MGAT4C: variants seen among roughly 807,000 people sequenced by gnomAD.
MGAT4C encodes the protein alpha-1,3-mannosyl-glycoprotein 4-beta-N-acetylglucosaminyltransferase C.
Under a neutral mutation model 40.1 loss-of-function variants are expected in MGAT4C, and 19 were observed. That is an observed-to-expected ratio of 0.47 (90% CI 0.33 to 0.70). MGAT4C has a LOEUF of 0.70. Among genes scored for constraint, MGAT4C ranks in the 30% least tolerant of loss-of-function variants. The pLI, the probability that MGAT4C is intolerant of heterozygous loss-of-function variation, is 0.02. For synonymous variants in MGAT4C, 181 were observed against 187.1 expected, an observed-to-expected ratio of 0.97 and a Z score of 0.27; for missense variants, 491 against 563.2, an observed-to-expected ratio of 0.87 and a Z score of 1.30.
chr12:86,186,562 A>G (rs1888776512), intron 1 of MGAT4C, among the ~76,000 whole-genome samples: 2 of 152,180 alleles, frequency 1.3e-5, no homozygotes, highest in South Asian at 4.1e-4. Flanking sequence ...CAGACAAATT[A>G]TTCCCCTTGA....
rs191249769 is a variant in MGAT4C, at chr12:86,082,720, G to A, written c.-56-32997C>T. Reference sequence around the variant, plus strand: ...TCTCTCCATAAAATACATTTCTATTGGGGTTTATTCATTATAAAAATTAGT... The same window carrying A: ...TCTCTCCATAAAATACATTTCTATTAGGGTTTATTCATTATAAAAATTAGT... On this transcript the variant is annotated intron_variant, in intron 1 of 4. Transcript: ENST00000611864. 3.5e-3 allele frequency among the ~76,000 whole-genome samples: 533 copies of A among 152,056 alleles called. 4 individuals carry two copies. Among genetic ancestry groups the A allele is most frequent in the African/African-American group, 0.013 (519 of 41,474 alleles).
chr12:86,432,234 G>C (rs935996635), intron 3 of MGAT4C, among the ~76,000 whole-genome samples: 33 of 152,046 alleles, frequency 2.2e-4, no homozygotes, highest in African/African-American at 8.0e-4. Flanking sequence ...CAAGGATTGT[G>C]CAAATTTAGA....
At chr12:86,392,557 C>T (rs887409729) in intron 3 of MGAT4C, among the ~76,000 whole-genome samples, 2 of 152,016 alleles carry the variant, frequency 1.3e-5, no homozygotes, top group African/African-American at 2.4e-5. Context: ...CTAAGCAGCA[C>T]GGGGTGCAAT....
chr12:86,350,993 C>T (rs1955147280), intron 3 of MGAT4C, among the ~76,000 whole-genome samples: 1 of 150,056 alleles, frequency 6.7e-6, no homozygotes, highest in African/African-American at 2.5e-5. Flanking sequence ...ATATATAAAC[C>T]CAGTTCAAAT....
intron 1 of MGAT4C, among the ~76,000 whole-genome samples, chr12:86,123,507 C>G (rs1879778009): frequency 6.6e-6 from 1 of 152,160 alleles, no homozygotes; most frequent in Non-Finnish European, 1.5e-5. Context: ...AATACCAAAT[C>G]TTCAACTATA....
intron 3 of MGAT4C, among the ~76,000 whole-genome samples, chr12:86,408,823 G>A (rs931266716): frequency 2.0e-5 from 3 of 151,848 alleles, no homozygotes; most frequent in Non-Finnish European, 4.4e-5. Context: ...TTCCAGAATA[G>A]TATGTCCAGC....
chr12:86,159,405 C>T (rs1377073330), intron 1 of MGAT4C, among the ~76,000 whole-genome samples: 1 of 144,726 alleles, frequency 6.9e-6, no homozygotes, highest in Non-Finnish European at 1.5e-5. Context: ...TTTTGATGTG[C>T]TGCTGGATTC....
intron 1 of MGAT4C, among the ~76,000 whole-genome samples, chr12:86,174,767 T>C (rs568477853): frequency 2.0e-4 from 31 of 151,856 alleles, no homozygotes; most frequent in Non-Finnish European, 3.5e-4. Flanking sequence ...AAAAATAAAT[T>C]TGTTATTTTA....
chr12:86,551,880 A>G (rs1315409041), intron 2 of MGAT4C, among the ~76,000 whole-genome samples: 3 of 152,144 alleles, frequency 2.0e-5, no homozygotes, highest in Non-Finnish European at 4.4e-5. Flanking sequence ...GTGTCCAACT[A>G]GAACCAAAGC....
At chr12:86,036,625 C>T (rs956814146) in intron 2 of MGAT4C, among the ~76,000 whole-genome samples, 1 of 149,826 alleles carries the variant, frequency 6.7e-6, no homozygotes, top group African/African-American at 2.4e-5. Context: ...TTTGAAACAG[C>T]CTTGCAACCC....
At chr12:86,354,297 C>A (rs1955253872) in intron 3 of MGAT4C, among the ~76,000 whole-genome samples, 1 of 152,036 alleles carries the variant, frequency 6.6e-6, no homozygotes, top group Non-Finnish European at 1.5e-5. Context: ...TTTAACAGGA[C>A]CCATAGTATT....
chr12:85,961,997 C>T lies in MGAT4C; in HGVS notation c.*17292G>A, dbSNP rs919768621. The T allele has an allele frequency of 6.6e-6, 1 of 151,842 alleles. No homozygotes were observed. 9.4% of individuals were successfully genotyped at this position (151,842 alleles called of 1,614,324 possible). On this transcript the variant is annotated 3_prime_UTR_variant, in exon 5 of 5. Coordinates refer to ENST00000611864, the MANE Select transcript of MGAT4C (RefSeq NM_001351288.2). The stretch of plus-strand genomic sequence containing the variant: ...ATTTCTTTTGTGTATCTGAATGGAA[C>T]ATGTGGTAAACACAACAGTAGAATA...
intron 4 of MGAT4C, among the ~76,000 whole-genome samples, chr12:86,278,288 C>T (rs1953128260): frequency 1.3e-5 from 2 of 148,760 alleles, no homozygotes; most frequent in South Asian, 4.3e-4. Flanking sequence ...AAGTGATTCT[C>T]CTGCCTCGGC....
At chr12:86,341,301 A>T (rs1199568450) in intron 3 of MGAT4C, among the ~76,000 whole-genome samples, 1 of 152,156 alleles carries the variant, frequency 6.6e-6, no homozygotes, top group Non-Finnish European at 1.5e-5. Flanking sequence ...TCTCCTTGTG[A>T]ACCCACTCCA....
At chr12:86,143,131 T>G (rs1321358348) in intron 1 of MGAT4C, among the ~76,000 whole-genome samples, 1 of 152,182 alleles carries the variant, frequency 6.6e-6, no homozygotes, top group Non-Finnish European at 1.5e-5. Context: ...AAATTTGTGT[T>G]GGTTAAGCCA....
rs150499524 is a variant in MGAT4C at position 86,487,848 on chromosome 12, CATAA to C, written c.-228-52587_-228-52584del. Among the ~76,000 whole-genome samples the C allele has an allele frequency of 9.6e-3, 1,462 of 152,184 alleles. 30 individuals are homozygous for C. Among genetic ancestry groups the C allele is most frequent in the African/African-American group, 0.034 (1,395 of 41,518 alleles). The stretch of plus-strand genomic sequence containing the variant: ...CATAAATGTTAAAAGTTTGTTTTTA[CATAA>C]ATAAACATTGCGTCTAAAATAAACC... On this transcript the variant is annotated intron_variant, in intron 2 of 7. Transcript: ENST00000548651.
intron 2 of MGAT4C, among the ~76,000 whole-genome samples, chr12:86,667,340 A>G (rs1964135904): frequency 6.6e-6 from 1 of 152,216 alleles, no homozygotes. Flanking sequence ...TTAGCCAAGT[A>G]CAAATGCAGG....
intron 2 of MGAT4C, among the ~76,000 whole-genome samples, chr12:86,692,696 T>C (rs1206959737): frequency 6.6e-6 from 1 of 152,028 alleles, no homozygotes; most frequent in East Asian, 1.9e-4. Context: ...ATAATAGTGG[T>C]GTAAGGATTT....
intron 1 of MGAT4C, among the ~76,000 whole-genome samples, chr12:86,768,012 G>T (rs1951548121): frequency 1.3e-5 from 2 of 152,298 alleles, no homozygotes; most frequent in South Asian, 4.1e-4. Context: ...GGAAGTTCTG[G>T]CTAGGGCAAT....
Sources: gnomAD v4.1 joint callset for allele counts (sites outside exome capture counted in the v4.1 genomes callset) on GRCh38, gnomAD v4.1.1 for gene constraint, MANE v1.5 for transcripts, NCBI Gene and HGNC (gene_info 2026-07-23, HGNC 2026-07-21) for gene names.